PBX1: variants seen among roughly 807,000 people sequenced by gnomAD.
The protein encoded by PBX1 is PBX homeobox 1.
A neutral mutation model predicts 53.4 loss-of-function variants in PBX1; 6 were observed. The ratio of observed to expected loss-of-function variants is 0.11; its 90% CI spans 0.06 to 0.22. The LOEUF is 0.22. PBX1 is among the 10% of genes least tolerant of loss of function. The pLI is 1.00. For missense variants in PBX1, 251 were observed against 551.4 expected, an observed-to-expected ratio of 0.46 and a Z score of 5.46; for synonymous variants, 204 against 212.3, an observed-to-expected ratio of 0.96 and a Z score of 0.34.
At chr1:164,640,800 C>T (rs550570122) in intron 2 of PBX1, among the ~76,000 whole-genome samples, 5 of 151,992 alleles carry the variant, frequency 3.3e-5, no homozygotes, top group African/African-American at 4.8e-5. Context: ...TCAGGCAATC[C>T]GCCTGTCTTG....
At chr1:164,865,105 C>T (rs945798440) in intron 2 of PBX1, among the ~76,000 whole-genome samples, 6 of 152,204 alleles carry the variant, frequency 3.9e-5, no homozygotes, top group African/African-American at 1.4e-4. Flanking sequence ...TGACACATTC[C>T]TCTGGAGCTT....
chr1:164,692,491 A>G (rs535151522), intron 2 of PBX1, among the ~76,000 whole-genome samples: 9 of 152,276 alleles, frequency 5.9e-5, no homozygotes, highest in South Asian at 4.1e-4. Flanking sequence ...ACAACCATCC[A>G]TTCCCACCCC....
intron 2 of PBX1, among the ~76,000 whole-genome samples, chr1:164,664,156 C>T (rs1490864605): frequency 6.6e-6 from 1 of 152,234 alleles, no homozygotes; most frequent in Non-Finnish European, 1.5e-5. Flanking sequence ...AACAGGTTAA[C>T]TGAGGTCATG....
intron 2 of PBX1, among the ~76,000 whole-genome samples, chr1:164,639,074 A>G (rs1012929401): frequency 3.3e-5 from 5 of 152,210 alleles, no homozygotes; most frequent in Non-Finnish European, 5.9e-5. Context: ...GTGTGGCTTT[A>G]TGCAAGCTCT....
chr1:164,762,888 C>G (rs1336108679), intron 2 of PBX1, among the ~76,000 whole-genome samples: 1 of 152,138 alleles, frequency 6.6e-6, no homozygotes, highest in Non-Finnish European at 1.5e-5. Context: ...ATTTGTCAAT[C>G]ATTGACCTAC....
At chr1:164,729,432 AAC>A (rs1664868885) in intron 2 of PBX1, among the ~76,000 whole-genome samples, 1 of 152,170 alleles carries the variant, frequency 6.6e-6, no homozygotes, top group Admixed American at 6.5e-5. Flanking sequence ...TATGCAAATT[AAC>A]ACAAACTTTT....
At chr1:164,662,032 T>G (rs780861064) in intron 2 of PBX1, among the ~76,000 whole-genome samples, 17 of 152,044 alleles carry the variant, frequency 1.1e-4, no homozygotes, top group Non-Finnish European at 2.4e-4. Flanking sequence ...TTTAAATACC[T>G]CTTTAGACCA....
chr1:164,784,192 T>C (rs1350516573), intron 2 of PBX1, among the ~76,000 whole-genome samples: 1 of 152,208 alleles, frequency 6.6e-6, no homozygotes, highest in Non-Finnish European at 1.5e-5. Flanking sequence ...TCTGGGTATG[T>C]CAGTCTAAGG....
intron 2 of PBX1, among the ~76,000 whole-genome samples, chr1:164,774,925 C>T (rs1470488526): frequency 6.6e-6 from 1 of 152,184 alleles, no homozygotes; most frequent in East Asian, 1.9e-4. Context: ...TAATTCAAGC[C>T]TGCTAATCCT....
At chr1:164,763,962 T>C (rs2102228078) in intron 2 of PBX1, among the ~76,000 whole-genome samples, 1 of 152,378 alleles carries the variant, frequency 6.6e-6, no homozygotes, top group East Asian at 1.9e-4. Flanking sequence ...TAGAATGGTT[T>C]ATAGGATTGT....
chr1:164,689,956 T>G (rs1662364184), intron 2 of PBX1, among the ~76,000 whole-genome samples: 1 of 152,194 alleles, frequency 6.6e-6, no homozygotes, highest in South Asian at 2.1e-4. Flanking sequence ...AAGCTACATT[T>G]CTTTATGGCT....
chr1:164,794,998 A>T (rs1219837112), intron 3 of PBX1, among the ~76,000 whole-genome samples: 2 of 152,200 alleles, frequency 1.3e-5, no homozygotes, highest in African/African-American at 4.8e-5. Flanking sequence ...TCACTCTTCC[A>T]TCCTCATCCA....
chr1:164,658,217 C>T lies in PBX1; in HGVS notation c.265+94906C>T, dbSNP rs554344443. On this transcript the variant is annotated intron_variant, in intron 2 of 8. Coordinates refer to ENST00000420696, the MANE Select transcript of PBX1 (RefSeq NM_002585.4). ...AATTTAAAATAAAAGCCAAATCAAC[C>T]TTACAGCCCATGCGAATTCTGCAGC... Among the ~76,000 whole-genome samples the T allele has an allele frequency of 8.6e-5, 13 of 151,678 alleles. No homozygotes were observed. The East Asian group carries it at 1.5e-3, about 18-fold the overall frequency.
intron 8 of PBX1, among the ~76,000 whole-genome samples, chr1:164,834,031 G>A (rs1257555441): frequency 2.0e-4 from 24 of 123,076 alleles, no homozygotes; most frequent in Non-Finnish European, 2.9e-4. Context: ...ATATGTATAT[G>A]TGTGTGTGTG....
At chr1:164,663,469 A>G (rs1329066678) in intron 2 of PBX1, among the ~76,000 whole-genome samples, 1 of 152,220 alleles carries the variant, frequency 6.6e-6, no homozygotes, top group Admixed American at 6.5e-5. Flanking sequence ...TGATACGTAG[A>G]ACCTGTTCAA....
intron 2 of PBX1, among the ~76,000 whole-genome samples, chr1:164,720,028 G>A (rs1243598190): frequency 1.3e-5 from 2 of 152,092 alleles, no homozygotes; most frequent in East Asian, 3.9e-4. Context: ...TGCTTGCCCC[G>A]TGGGAAAATA....
chr1:164,567,180 G>T (rs1370865622), intron 2 of PBX1, among the ~76,000 whole-genome samples: 10 of 152,102 alleles, frequency 6.6e-5, no homozygotes, highest in Admixed American at 5.9e-4. Context: ...CTATGTATAT[G>T]TGTGTGTGTA....
intron 2 of PBX1, among the ~76,000 whole-genome samples, chr1:164,784,383 A>G (rs1668073687): frequency 6.6e-6 from 1 of 152,216 alleles, no homozygotes; most frequent in African/African-American, 2.4e-5. Flanking sequence ...TCTCCCTGCC[A>G]GCTGGCCCAG....
chr1:164,835,059 A>C, intron 8 of PBX1, among the ~76,000 whole-genome samples: 1 of 152,194 alleles, frequency 6.6e-6, no homozygotes, highest in East Asian at 1.9e-4. Context: ...GGGTGTAAGA[A>C]AGTTACATTT....
Sources: gnomAD v4.1 joint callset for allele counts (sites outside exome capture counted in the v4.1 genomes callset) on GRCh38, gnomAD v4.1.1 for gene constraint, MANE v1.5 for transcripts, NCBI Gene and HGNC (gene_info 2026-07-23, HGNC 2026-07-21) for gene names.